CASK: variants seen among roughly 807,000 people sequenced by gnomAD.
CASK encodes the protein calcium/calmodulin dependent serine protein kinase, also known as peripheral plasma membrane protein CASK.
Under a neutral mutation model 82.9 loss-of-function variants are expected in CASK, and 4 were observed. The ratio of observed to expected loss-of-function variants is 0.05; its 90% CI spans 0.02 to 0.11. CASK has a LOEUF of 0.11. Ranked by LOEUF, CASK falls within the 10% of genes least tolerant of loss-of-function variation. The pLI is 1.00. For synonymous variants in CASK, 259 were observed against 253.5 expected, an observed-to-expected ratio of 1.02 and a Z score of -0.20; for missense variants, 358 against 720.9, an observed-to-expected ratio of 0.50 and a Z score of 5.76.
intron 10 of CASK, 115 bp downstream of exon 10, chrX:41,626,489 T>A: frequency 3.7e-6 from 2 of 536,399 alleles, no homozygotes; most frequent in East Asian, 7.2e-5. Context: ...CAAACTTCCT[T>A]AGAATCCGTT....
Position 41,671,362 on chromosome X carries a change from G to C in CASK, c.532+66C>G, listed in dbSNP as rs1035417203. ...CTGAGGTTGGGCTAATATGTAGCTT[G>C]AAAGTTTTATACCAGTCGCAAGTGA... On this transcript the variant is annotated intron_variant, in intron 6 of 26. Coordinates refer to ENST00000378163, the MANE Select transcript of CASK (RefSeq NM_001367721.1). The C allele has an allele frequency of 4.4e-6, 3 of 676,802 alleles. No individual in the cohort carries two copies. The Admixed American group carries it at 7.0e-5, about 16-fold the overall frequency. The allele number at this position is 676,802 out of a possible 1,213,427, so 55.8% of individuals were successfully genotyped here.
At chrX:41,591,895 G>A in intron 12 of CASK, among the ~76,000 whole-genome samples, 1 of 111,271 alleles carries the variant, frequency 9.0e-6, no homozygotes, top group East Asian at 2.8e-4. Context: ...CCCCTGACGT[G>A]TCATAATATT....
At chrX:41,550,572 C>A (rs777864153) in intron 21 of CASK, among the ~76,000 whole-genome samples, 61 of 109,814 alleles carry the variant, frequency 5.6e-4, no homozygotes, top group Non-Finnish European at 8.2e-4. Flanking sequence ...TTTCTGCTCT[C>A]TGAAGATATT....
At chrX:41,695,547 C>T (rs1300194261) in intron 5 of CASK, 21 of 584,865 alleles carry the variant, frequency 3.6e-5, no homozygotes, top group South Asian at 9.4e-5. Flanking sequence ...TTTGGCATTC[C>T]GTTGTAGGAA....
chrX:41,858,845 G>A lies in CASK; in HGVS notation c.60-5618C>T, dbSNP rs192601090. Among the ~76,000 whole-genome samples the A allele has an allele frequency of 2.7e-5, 3 of 110,986 alleles. No individual in the cohort carries two copies. The Admixed American group carries it at 2.9e-4, about 11-fold the overall frequency. On this transcript the variant is annotated intron_variant, in intron 1 of 26. Coordinates refer to ENST00000378163, the MANE Select transcript of CASK (RefSeq NM_001367721.1). ...TAAAGCTATAAAGAGAATTTAAAAA[G>A]ATTAATATAAAAGGCAGGATAGTGG...
At chrX:41,640,231 T>A (rs998591096) in intron 8 of CASK, among the ~76,000 whole-genome samples, 1 of 108,633 alleles carries the variant, frequency 9.2e-6, no homozygotes, top group Admixed American at 1.0e-4. Flanking sequence ...TGAAATGGAG[T>A]CTTGCTCTGT....
At chrX:41,704,064 C>CT (rs953272901) in intron 5 of CASK, among the ~76,000 whole-genome samples, 9 of 108,440 alleles carry the variant, frequency 8.3e-5, no homozygotes, top group South Asian at 4.0e-4. Flanking sequence ...AGTTGCTTAT[C>CT]TTTTTTTTTC....
chrX:41,784,312 G>A (rs1482981818), intron 3 of CASK, among the ~76,000 whole-genome samples: 1 of 112,063 alleles, frequency 8.9e-6, no homozygotes, highest in Non-Finnish European at 1.9e-5. Flanking sequence ...AGAAAAAAAG[G>A]GAGGTTCCAC....
chrX:41,760,304 G>C (rs895152708), intron 3 of CASK, among the ~76,000 whole-genome samples: 4 of 111,754 alleles, frequency 3.6e-5, no homozygotes, highest in African/African-American at 1.3e-4. Flanking sequence ...ATCACGATGA[G>C]TTACATCACA....
intron 16 of CASK, among the ~76,000 whole-genome samples, chrX:41,563,040 CAAA>C (rs141364032): frequency 1.8e-4 from 4 of 22,195 alleles, no homozygotes; most frequent in East Asian, 1.7e-3. Flanking sequence ...GACTCCATCT[CAAA>C]AAAAAAAAAA....
chrX:41,891,441 G>A (rs999345893), intron 1 of CASK, among the ~76,000 whole-genome samples: 2 of 111,770 alleles, frequency 1.8e-5, no homozygotes, highest in Non-Finnish European at 3.8e-5. Flanking sequence ...CGTTGATGAT[G>A]CATTTTGGAT....
chrX:41,596,153 C>A (rs184116057), intron 12 of CASK, among the ~76,000 whole-genome samples: 1 of 105,503 alleles, frequency 9.5e-6, no homozygotes, highest in East Asian at 3.0e-4. Context: ...CGAGATCACA[C>A]CACTGCACTC....
chrX:41,812,788 A>G (rs1192481294), intron 2 of CASK, among the ~76,000 whole-genome samples: 2 of 111,805 alleles, frequency 1.8e-5, no homozygotes, highest in Non-Finnish European at 3.8e-5. Context: ...TTAGGAAAAG[A>G]GGAAGTCAAA....
At chrX:41,891,638 C>G (rs1274538323) in intron 1 of CASK, among the ~76,000 whole-genome samples, 1 of 111,489 alleles carries the variant, frequency 9.0e-6, no homozygotes, top group Non-Finnish European at 1.9e-5. Context: ...AATATCCAAT[C>G]ATATCGAACA....
chrX:41,770,360 C>T (rs887350360), intron 3 of CASK, among the ~76,000 whole-genome samples: 3 of 107,541 alleles, frequency 2.8e-5, no homozygotes, highest in Admixed American at 1.0e-4. Context: ...ATCCATCCAT[C>T]CGTTTTTTGA....
chrX:41,800,874 A>C, intron 2 of CASK, among the ~76,000 whole-genome samples: 1 of 112,047 alleles, frequency 8.9e-6, no homozygotes, highest in East Asian at 2.8e-4. Context: ...CATTGTCAAA[A>C]AGAAGGGAGC....
chrX:41,830,828 A>AG (rs1393966775), intron 2 of CASK, among the ~76,000 whole-genome samples: 2 of 109,134 alleles, frequency 1.8e-5, no homozygotes, highest in Non-Finnish European at 1.9e-5. Flanking sequence ...AAAAAAAAAA[A>AG]AAAAAAAACA....
At chrX:41,837,176 C>G (rs1344149809) in intron 2 of CASK, among the ~76,000 whole-genome samples, 1 of 112,049 alleles carries the variant, frequency 8.9e-6, no homozygotes, top group African/African-American at 3.2e-5. Flanking sequence ...AATAATTGTA[C>G]ATTAACAGAA....
At chrX:41,746,941 T>C (rs1006942950) in intron 3 of CASK, among the ~76,000 whole-genome samples, 2 of 111,835 alleles carry the variant, frequency 1.8e-5, no homozygotes, top group Non-Finnish European at 3.8e-5. Flanking sequence ...ATTATAGCTA[T>C]ACCTACTGGG....
Sources: allele counts gnomAD v4.1 joint callset (sites outside exome capture counted in the v4.1 genomes callset), GRCh38; gene constraint gnomAD v4.1.1; transcripts MANE v1.5; gene names NCBI Gene and HGNC (gene_info 2026-07-23, HGNC 2026-07-21).